Variants in QTMAN observed in about 807,000 individuals in gnomAD.
QTMAN encodes the protein queuosine-tRNA mannosyltransferase.
chr2:144,108,339 T>G, the QTMAN span, among the ~76,000 whole-genome samples: 2 of 152,256 alleles, frequency 1.3e-5, no homozygotes, highest in Non-Finnish European at 2.9e-5. Flanking sequence ...ATGACATGAT[T>G]GTATATTTAG....
chr2:144,109,502 C>T, the QTMAN span, among the ~76,000 whole-genome samples: 2 of 152,058 alleles, frequency 1.3e-5, no homozygotes, highest in African/African-American at 2.4e-5. Context: ...ACTTCATGTT[C>T]AGAACACCAA....
the QTMAN span, among the ~76,000 whole-genome samples, chr2:144,280,485 T>A: frequency 8.5e-5 from 13 of 152,134 alleles, no homozygotes. Context: ...GGTTTTTTTG[T>A]TGTAATTCGA....
At chr2:144,043,001 T>G in the QTMAN span, among the ~76,000 whole-genome samples, 4 of 152,056 alleles carry the variant, frequency 2.6e-5, no homozygotes, top group African/African-American at 9.7e-5. Context: ...AAAGGCTAAT[T>G]TGGGTTATCA....
chr2:143,957,784 G>A, the QTMAN span, among the ~76,000 whole-genome samples: 858 of 152,224 alleles, frequency 5.6e-3, 13 homozygotes, highest in Middle Eastern at 0.031. Flanking sequence ...ATGGCATTCC[G>A]TGCTTAAATT....
the QTMAN span, among the ~76,000 whole-genome samples, chr2:144,060,159 A>T: frequency 6.6e-6 from 1 of 152,124 alleles, no homozygotes; most frequent in Non-Finnish European, 1.5e-5. Context: ...TAAAAAAAAA[A>T]GTCTGAGTAC....
chr2:144,100,908 C>G, the QTMAN span, among the ~76,000 whole-genome samples: 2 of 117,730 alleles, frequency 1.7e-5, no homozygotes, highest in African/African-American at 6.4e-5. Context: ...CCTGCTCTGT[C>G]GCCCAGGCTG....
At chr2:143,943,760 G>A in the QTMAN span, 1 of 152,136 alleles carries the variant, frequency 6.6e-6, no homozygotes, top group African/African-American at 2.4e-5. Flanking sequence ...CAGGAGCAGG[G>A]CATTTAAACT....
the QTMAN span, chr2:144,145,793 T>C: frequency 1.4e-6 from 2 of 1,435,220 alleles, no homozygotes; most frequent in Admixed American, 1.9e-5. Context: ...GAAGGGATCA[T>C]GCTTTGCTCT....
At chr2:144,220,130 C>T in the QTMAN span, among the ~76,000 whole-genome samples, 1 of 152,006 alleles carries the variant, frequency 6.6e-6, no homozygotes, top group Non-Finnish European at 1.5e-5. Context: ...CAGTTTAGAC[C>T]AGGGCTGAGT....
chr2:144,010,580 C>T, the QTMAN span, among the ~76,000 whole-genome samples: 1 of 152,038 alleles, frequency 6.6e-6, no homozygotes, highest in South Asian at 2.1e-4. Context: ...AGTTCTGGAT[C>T]TTGTTGTACA....
chr2:144,038,446 TCTATCCC>T, the QTMAN span, among the ~76,000 whole-genome samples: 1 of 152,202 alleles, frequency 6.6e-6, no homozygotes, highest in African/African-American at 2.4e-5. Flanking sequence ...ATGATACAAT[TCTATCCC>T]TGTAGAATCT....
the QTMAN span, among the ~76,000 whole-genome samples, chr2:144,092,513 T>G: frequency 1.3e-5 from 2 of 152,166 alleles, no homozygotes; most frequent in Non-Finnish European, 2.9e-5. Context: ...TGTCTACCAA[T>G]TTACCTCAAT....
the QTMAN span, among the ~76,000 whole-genome samples, chr2:144,304,381 CT>C: frequency 6.6e-6 from 1 of 152,130 alleles, no homozygotes; most frequent in South Asian, 2.1e-4. Context: ...AACTGAAACT[CT>C]TTTTTAAAAG....
At chr2:144,038,251 TA>T in the QTMAN span, among the ~76,000 whole-genome samples, 6 of 152,294 alleles carry the variant, frequency 3.9e-5, no homozygotes, top group African/African-American at 1.4e-4. Context: ...GTGTCTTCAT[TA>T]AGTTGTACAT....
chr2:144,204,180 A>C, the QTMAN span, among the ~76,000 whole-genome samples: 5 of 152,380 alleles, frequency 3.3e-5, no homozygotes, highest in African/African-American at 1.2e-4. Context: ...TCTGCACAGC[A>C]AAAGAAATCA....
the QTMAN span, among the ~76,000 whole-genome samples, chr2:144,126,073 T>C: frequency 6.1e-3 from 930 of 152,096 alleles, 15 homozygotes; most frequent in African/African-American, 0.021. Context: ...ATTATACAAA[T>C]TCATTTTCTT....
chr2:143,989,674 TATACACACAC>T, the QTMAN span, among the ~76,000 whole-genome samples: 1 of 152,182 alleles, frequency 6.6e-6, no homozygotes, highest in African/African-American at 2.4e-5. Context: ...TATACATATA[TATACACACAC>T]ATACACACAC....
At chr2:144,246,743 C>T in the QTMAN span, among the ~76,000 whole-genome samples, 8 of 152,282 alleles carry the variant, frequency 5.3e-5, no homozygotes, top group South Asian at 8.3e-4. Context: ...GGACAACCTG[C>T]TGTCACCTGG....
chr2:144,145,761 G>T, the QTMAN span: 1 of 1,596,674 alleles, frequency 6.3e-7, no homozygotes, highest in Non-Finnish European at 8.6e-7. Context: ...GAAAATTGGG[G>T]TTTACTGTCC....
Sources: allele counts gnomAD v4.1 joint callset (sites outside exome capture counted in the v4.1 genomes callset), GRCh38; gene constraint gnomAD v4.1.1; transcripts MANE v1.5; gene names NCBI Gene and HGNC (gene_info 2026-07-23, HGNC 2026-07-21).